Variants in LCA5 observed in about 807,000 individuals in gnomAD.
LCA5 encodes the protein lebercilin LCA5, also known as lebercilin.
Under a neutral mutation model 53.0 loss-of-function variants are expected in LCA5, and 37 were observed. That is an observed-to-expected ratio of 0.70 (90% CI 0.54 to 0.92). The LOEUF is 0.92. LCA5 is among the 40% of genes least tolerant of loss of function. The probability of loss-of-function intolerance (pLI) is 0.00; values close to 1 mark genes in which losing one functional copy is unlikely to be tolerated. For missense variants in LCA5, 806 were observed against 790.5 expected, an observed-to-expected ratio of 1.02 and a Z score of -0.23; for synonymous variants, 303 against 282.9, an observed-to-expected ratio of 1.07 and a Z score of -0.71.
chr6:79,524,238 A>G (rs1163338986), intron 1 of LCA5, among the ~76,000 whole-genome samples: 1 of 152,142 alleles, frequency 6.6e-6, no homozygotes. Context: ...CTTTTATTGA[A>G]TTCCTGAGTT....
chr6:79,524,504 A>G (rs944965220), intron 1 of LCA5, among the ~76,000 whole-genome samples: 1 of 152,190 alleles, frequency 6.6e-6, no homozygotes, highest in Admixed American at 6.5e-5. Flanking sequence ...TGTTTGTGAG[A>G]CATGTTATAA....
At chr6:79,520,129 A>G (rs1262925182) in intron 1 of LCA5, among the ~76,000 whole-genome samples, 1 of 152,126 alleles carries the variant, frequency 6.6e-6, no homozygotes, top group Non-Finnish European at 1.5e-5. Context: ...AAATTAGGAG[A>G]AAAGTTATGT....
At chr6:79,500,352 A>G (rs1023187448) in intron 3 of LCA5, among the ~76,000 whole-genome samples, 1 of 152,232 alleles carries the variant, frequency 6.6e-6, no homozygotes, top group African/African-American at 2.4e-5. Context: ...AAGGATTAAC[A>G]TAATTTAAAA....
In LCA5 at chr6:79,489,229, A is replaced by T. The variant is rs751792000; in HGVS notation, c.1099-13T>A. ...GAGATTGCAAGTCCTATTATACGTT[A>T]AAAAAAATGCAAGTTCACAAATTAT... On this transcript the variant is annotated splice_polypyrimidine_tract_variant and intron_variant, in intron 6 of 7. Coordinates refer to ENST00000369846, the MANE Select transcript of LCA5 (RefSeq NM_001122769.3). 4 of 1,593,404 alleles carry T rather than the reference A, an allele frequency of 2.5e-6. No homozygotes were observed. Among genetic ancestry groups the T allele is most frequent in the Non-Finnish European group, 3.4e-6 (4 of 1,166,326 alleles).
chr6:79,518,543 T>C (rs1259892376), intron 2 of LCA5, among the ~76,000 whole-genome samples, 162 bp downstream of exon 2: 1 of 152,124 alleles, frequency 6.6e-6, no homozygotes, highest in African/African-American at 2.4e-5. Context: ...CAAGCAACAT[T>C]TATATATACT....
In LCA5 at chr6:79,486,154, T is replaced by TATCCC. The variant is rs1254579744; in HGVS notation, c.*849_*850insGGGAT. 3 of 152,194 alleles carry TATCCC rather than the reference T, an allele frequency of 2.0e-5. No individual in the cohort carries two copies. The highest frequency in any genetic ancestry group is 4.4e-5 in the Non-Finnish European group (3 of 68,034). 9.4% of individuals were successfully genotyped at this position (152,194 alleles called of 1,614,324 possible). On this transcript the variant is annotated 3_prime_UTR_variant, in exon 8 of 8. Coordinates refer to ENST00000369846, the MANE Select transcript of LCA5 (RefSeq NM_001122769.3). The stretch of plus-strand genomic sequence containing the variant: ...TTGAACTGAAGATCTTTCTATAATA[T>TATCCC]ATTGGGATAAAGTTTTTCTATTCTT...
Position 79,487,286 on chromosome 6 carries a change from C to T in LCA5, c.1812G>A (p.Leu604=). The part of the protein sequence containing the change: ...LITRKEKKAN[L]MEQLFGASGS... ...CACTGGCACCAAATAACTGTTCCAT[C>T]AAATTAGCTTTTTTCTCTTTTCTTG... The change falls in exon 8 of 8, where the codon TTG becomes TTA. Residue 604 remains leucine (L), a synonymous_variant. Coordinates refer to ENST00000369846, the MANE Select transcript of LCA5 (RefSeq NM_001122769.3). 6.2e-7 allele frequency: 1 copy of T among 1,614,072 alleles called. No individual in the cohort carries two copies. The highest frequency in any genetic ancestry group is 8.5e-7 in the Non-Finnish European group (1 of 1,179,956).
At chr6:79,501,882 T>A (rs1770150368) in intron 3 of LCA5, among the ~76,000 whole-genome samples, 1 of 151,484 alleles carries the variant, frequency 6.6e-6, no homozygotes. Flanking sequence ...TATAACAGTA[T>A]AGTATGTAGT....
At chr6:79,535,770 C>T (rs1767097241) in intron 1 of LCA5, among the ~76,000 whole-genome samples, 1 of 151,812 alleles carries the variant, frequency 6.6e-6, no homozygotes, top group South Asian at 2.1e-4. Flanking sequence ...TAGTGTAAGC[C>T]AAAGGAGAGG....
intron 1 of LCA5, among the ~76,000 whole-genome samples, chr6:79,532,061 A>G (rs1766975313): frequency 6.6e-6 from 1 of 152,142 alleles, no homozygotes; most frequent in Non-Finnish European, 1.5e-5. Context: ...ACTCTTTCCT[A>G]TGTTTCTGAT....
intron 1 of LCA5, among the ~76,000 whole-genome samples, chr6:79,532,301 A>G (rs1480864382): frequency 6.6e-6 from 1 of 152,176 alleles, no homozygotes; most frequent in Non-Finnish European, 1.5e-5. Flanking sequence ...AACTTCTGCA[A>G]TAACCTCCTG....
intron 3 of LCA5, among the ~76,000 whole-genome samples, chr6:79,511,618 G>T (rs1047236015): frequency 2.0e-5 from 3 of 152,118 alleles, no homozygotes; most frequent in Non-Finnish European, 4.4e-5. Context: ...CGTAAAACTA[G>T]TGAAAGCTGA....
intron 3 of LCA5, among the ~76,000 whole-genome samples, chr6:79,504,552 T>C (rs1770226374): frequency 6.6e-6 from 1 of 152,168 alleles, no homozygotes; most frequent in Non-Finnish European, 1.5e-5. Flanking sequence ...GTTTGAATAG[T>C]TGGCCACCGG....
At chr6:79,536,795 T>TTTTG in intron 1 of LCA5, among the ~76,000 whole-genome samples, 1 of 152,268 alleles carries the variant, frequency 6.6e-6, no homozygotes, top group South Asian at 2.1e-4. Flanking sequence ...GGGGTTTTTG[T>TTTTG]TTTGTTTGTT....
chr6:79,498,276 C>G (rs1008518868), intron 3 of LCA5, among the ~76,000 whole-genome samples: 1 of 151,748 alleles, frequency 6.6e-6, no homozygotes, highest in East Asian at 1.9e-4. Flanking sequence ...TAGCAACAGA[C>G]GAATCTGGGT....
At chr6:79,531,535 A>G (rs994628757) in intron 1 of LCA5, among the ~76,000 whole-genome samples, 2 of 152,014 alleles carry the variant, frequency 1.3e-5, no homozygotes, top group South Asian at 4.1e-4. Context: ...TTGAACCCAC[A>G]CTAGTTAGGT....
Position 79,501,992 on chromosome 6 carries a change from TG to T in LCA5, c.721-8243del, listed in dbSNP as rs1562100544. ...ATTCTAGCAATCCTAAGCAGGGCAG[TG>T]GGGGGAAGAAAGTAAGAATAGTTCT... On this transcript the variant is annotated intron_variant, in intron 3 of 7. Transcript: ENST00000369846. Among the ~76,000 whole-genome samples the T allele has an allele frequency of 3.9e-5, 6 of 152,048 alleles. No individual in the cohort carries two copies. In the South Asian group the frequency reaches 1.2e-3, roughly 32 times the overall value.
At chr6:79,535,920 G>T (rs1393406216) in intron 1 of LCA5, among the ~76,000 whole-genome samples, 1 of 152,158 alleles carries the variant, frequency 6.6e-6, no homozygotes, top group Non-Finnish European at 1.5e-5. Flanking sequence ...GGCAGATGAA[G>T]AACCCAAGAG....
chr6:79,530,616 C>T (rs77073708), intron 1 of LCA5, among the ~76,000 whole-genome samples: 2,746 of 152,224 alleles, frequency 0.018, 76 homozygotes, highest in African/African-American at 0.062. Flanking sequence ...CTAACCTATG[C>T]GTAATACTTA....
Sources: gnomAD v4.1 joint callset for allele counts (sites outside exome capture counted in the v4.1 genomes callset) on GRCh38, gnomAD v4.1.1 for gene constraint, MANE v1.5 for transcripts, NCBI Gene and HGNC (gene_info 2026-07-23, HGNC 2026-07-21) for gene names.